NINJ2: variants seen among roughly 807,000 people sequenced by gnomAD.
NINJ2 encodes the protein ninjurin-2.
A neutral mutation model predicts 11.7 loss-of-function variants in NINJ2; 12 were observed. The ratio of observed to expected loss-of-function variants is 1.02; its 90% CI spans 0.66 to 1.66. NINJ2 has a LOEUF of 1.66. Among genes scored for constraint, NINJ2 ranks in the 40% most tolerant of loss-of-function variants. The pLI is 0.00. For synonymous variants in NINJ2, 93 were observed against 76.8 expected (o/e 1.21, Z -1.10); for missense variants, 187 against 181.8 (o/e 1.03, Z -0.16).
At chr12:583,538 T>C (rs181453444) in intron 1 of NINJ2, among the ~76,000 whole-genome samples, 41 of 152,386 alleles carry the variant, frequency 2.7e-4, no homozygotes, top group African/African-American at 9.6e-4. Flanking sequence ...CTGTTCACTG[T>C]AAGGCAAAGT....
At chr12:608,674 C>T (rs763468467) in intron 1 of NINJ2, among the ~76,000 whole-genome samples, 6 of 152,172 alleles carry the variant, frequency 3.9e-5, no homozygotes, top group South Asian at 2.1e-4. Context: ...TAGCTAATCC[C>T]ATCTCAGCCC....
intron 1 of NINJ2, among the ~76,000 whole-genome samples, chr12:660,584 C>T (rs1186541314): frequency 1.3e-5 from 2 of 152,044 alleles, no homozygotes; most frequent in African/African-American, 4.8e-5. Context: ...CGTGATCCGC[C>T]CACCTCAGAC....
intron 1 of NINJ2, 84 bp downstream of exon 1, chr12:663,244 A>T: frequency 8.0e-7 from 1 of 1,257,166 alleles, no homozygotes; most frequent in South Asian, 1.3e-5. Flanking sequence ...GAGAATATCA[A>T]GTGACTAAAG....
chr12:600,377 A>G (rs1592088479), intron 1 of NINJ2, among the ~76,000 whole-genome samples: 1 of 151,800 alleles, frequency 6.6e-6, no homozygotes. Context: ...ACATGGTGAA[A>G]CCCCATCTCT....
rs561033601 is a variant in NINJ2, at chr12:566,111, G to A, written c.101C>T (p.Ala34Val). Residue 34 changes from alanine to valine, a missense_variant, in exon 2 of 4, where the codon GCG becomes GTG. Transcript: ENST00000305108. ...CAGGGCCACGTCCAGCATGCTCTCC[G>A]CCACGCTCTTCTTGGTGGCGTAATG... ...LNHYATKKSV[A>V]ESMLDVALFM... 12 of 1,614,024 alleles carry A rather than the reference G, an allele frequency of 7.4e-6. No homozygotes were observed. The highest frequency in any genetic ancestry group is 1.3e-5 in the African/African-American group (1 of 74,918).
At chr12:629,896 A>AAAATATAT in intron 1 of NINJ2, among the ~76,000 whole-genome samples, 5 of 9,902 alleles carry the variant, frequency 5.0e-4, no homozygotes, top group African/African-American at 7.3e-4. Flanking sequence ...AAAAAAAAAA[A>AAAATATAT]ATATATATAT....
intron 1 of NINJ2, among the ~76,000 whole-genome samples, chr12:607,335 G>T (rs1947953445): frequency 7.0e-6 from 1 of 142,070 alleles, no homozygotes; most frequent in Non-Finnish European, 1.5e-5. Context: ...TGACTACATA[G>T]TAGGTACTCT....
intron 1 of NINJ2, among the ~76,000 whole-genome samples, chr12:604,799 T>TAC (rs1225088117): frequency 1.3e-5 from 2 of 152,086 alleles, no homozygotes; most frequent in Non-Finnish European, 1.5e-5. Flanking sequence ...AAAGTCTACT[T>TAC]ACAGAGCAGT....
rs1948405691 is a variant in NINJ2 at position 640,558 on chromosome 12, C to T, written c.33+22770G>A. 6.6e-6 allele frequency among the ~76,000 whole-genome samples: 1 copy of T among 151,976 alleles called. No individual in the cohort carries two copies. The highest frequency in any genetic ancestry group is 1.5e-5 in the Non-Finnish European group (1 of 68,004). ...TTTTATTTTTGAGACTGAGTCTTGC[C>T]CTGTCACCCAGGCTGGAGTGTAGTG... On this transcript the variant is annotated intron_variant, in intron 1 of 3. Transcript: ENST00000305108. The surrounding 1 kb of genome is among the most constrained non-coding windows in gnomAD (Gnocchi z 4.0).
intron 1 of NINJ2, among the ~76,000 whole-genome samples, chr12:629,501 G>T (rs1455770263): frequency 4.6e-5 from 7 of 152,140 alleles, no homozygotes; most frequent in Non-Finnish European, 1.0e-4. Context: ...TGACAGTCCA[G>T]CAAGCTTGTC....
At chr12:574,393 ATG>A (rs1947423353) in intron 1 of NINJ2, among the ~76,000 whole-genome samples, 1 of 152,238 alleles carries the variant, frequency 6.6e-6, no homozygotes, top group Non-Finnish European at 1.5e-5. Context: ...TATGGTCTGA[ATG>A]TGCCCCCTAA....
intron 3 of NINJ2, 107 bp downstream of exon 3, chr12:565,102 ACAGGCCTT>A: frequency 1.2e-6 from 1 of 818,652 alleles, no homozygotes; most frequent in South Asian, 2.0e-5. Flanking sequence ...TCTCGGAGCT[ACAGGCCTT>A]CCCCCTTTGT....
At chr12:593,960 C>G (rs1947750041) in intron 1 of NINJ2, among the ~76,000 whole-genome samples, 1 of 152,132 alleles carries the variant, frequency 6.6e-6, no homozygotes, top group Non-Finnish European at 1.5e-5. Context: ...TAAAGAATAT[C>G]TACAAAAAAC....
rs1448327873 is a variant in NINJ2 at position 591,879 on chromosome 12, G to A, written c.34-25701C>T. On this transcript the variant is annotated intron_variant, in intron 1 of 3. Coordinates refer to ENST00000305108, the MANE Select transcript of NINJ2 (RefSeq NM_016533.6). This position sits in a 1 kb window ranked among gnomAD's most constrained non-coding sequence, Gnocchi z 5.0. ...TGACGTGGCCGGCGGCAGGTATGGTGTGTGACTTAACTAGTCAATTTTGAG... is the reference window on the plus strand; with the variant it reads ...TGACGTGGCCGGCGGCAGGTATGGTATGTGACTTAACTAGTCAATTTTGAG... Among the ~76,000 whole-genome samples, 1 of 152,172 alleles carries A rather than the reference G, an allele frequency of 6.6e-6. No homozygotes were observed. The highest frequency in any genetic ancestry group is 2.4e-5 in the African/African-American group (1 of 41,426).
At chr12:593,353 C>T (rs1164497343) in intron 1 of NINJ2, among the ~76,000 whole-genome samples, 1 of 152,158 alleles carries the variant, frequency 6.6e-6, no homozygotes, top group African/African-American at 2.4e-5. Context: ...GTTAAAGAAG[C>T]ATCACAGGCA....
intron 1 of NINJ2, among the ~76,000 whole-genome samples, chr12:594,992 A>C (rs1362001474): frequency 6.6e-6 from 1 of 152,258 alleles, no homozygotes; most frequent in African/African-American, 2.4e-5. Flanking sequence ...AGACAAGTAG[A>C]TCAATGGAAC....
intron 1 of NINJ2, among the ~76,000 whole-genome samples, chr12:599,332 C>T (rs904772988): frequency 4.6e-5 from 7 of 152,002 alleles, no homozygotes; most frequent in African/African-American, 9.7e-5. Flanking sequence ...TGCAGTGAGC[C>T]GAGATTGCGC....
At position 630,072 on chromosome 12, in the gene NINJ2, T is replaced by C. The variant is rs996700310; in HGVS notation, c.33+33256A>G. 2.6e-5 allele frequency among the ~76,000 whole-genome samples: 4 copies of C among 151,328 alleles called. No individual in the cohort carries two copies. In the Admixed American group the frequency reaches 2.6e-4, roughly 10 times the overall value. ...ATGAAAAAGAGCACTCTTCAGCCCCTGCTGTCACCAAAGCCCCACCTCAGT... is the reference window on the plus strand; with the variant it reads ...ATGAAAAAGAGCACTCTTCAGCCCCCGCTGTCACCAAAGCCCCACCTCAGT... On this transcript the variant is annotated intron_variant, in intron 1 of 3. Transcript: ENST00000305108.
At chr12:595,527 C>T (rs1947772900) in intron 1 of NINJ2, among the ~76,000 whole-genome samples, 1 of 152,170 alleles carries the variant, frequency 6.6e-6, no homozygotes, top group South Asian at 2.1e-4. Flanking sequence ...GTAATCCCAG[C>T]ACTTTGGGAG....
Sources: allele counts gnomAD v4.1 joint callset (sites outside exome capture counted in the v4.1 genomes callset), GRCh38; gene constraint gnomAD v4.1.1; non-coding constraint Gnocchi (gnomAD v3.1); transcripts MANE v1.5; gene names NCBI Gene and HGNC (gene_info 2026-07-23, HGNC 2026-07-21).